Variants in CES5A observed in about 807,000 individuals in gnomAD.
CES5A encodes the protein carboxylesterase 5.
In CES5A, 67 loss-of-function variants were observed where a neutral mutation model predicts 62.9. The ratio of observed to expected loss-of-function variants is 1.07; its 90% confidence interval spans 0.88 to 1.31. The LOEUF is 1.31. CES5A is among the 50% of genes most tolerant of loss of function. The pLI is 0.00. For synonymous variants in CES5A, 296 were observed against 280.8 expected (o/e 1.05, Z -0.54); for missense variants, 748 against 708.5 (o/e 1.06, Z -0.63).
intron 1 of CES5A, among the ~76,000 whole-genome samples, chr16:55,890,888 C>A (rs947779106): frequency 6.6e-6 from 1 of 152,208 alleles, no homozygotes; most frequent in Admixed American, 6.5e-5. Context: ...TTCTAAATTT[C>A]TCTTCAAAGA....
At chr16:55,935,221 G>C (rs534468034) in intron 2 of CES5A, among the ~76,000 whole-genome samples, 1 of 152,344 alleles carries the variant, frequency 6.6e-6, no homozygotes, top group South Asian at 2.1e-4. Context: ...GGGATTACAG[G>C]CATGAGCCAC....
chr16:55,888,160 G>A (rs1388990065), intron 1 of CES5A, among the ~76,000 whole-genome samples: 2 of 152,124 alleles, frequency 1.3e-5, no homozygotes, highest in Non-Finnish European at 2.9e-5. Context: ...GGACTCCACA[G>A]GTATCTCTGG....
Position 55,846,437 on chromosome 16 carries a change from A to C in CES5A, c.*14T>G, listed in dbSNP as rs764933728. Reference sequence around the variant, plus strand: ...GGAGGAGAAGGGAAACCAAAATCACAGAAAGATAACTTCTCAAGGAGCACA... The same window carrying C: ...GGAGGAGAAGGGAAACCAAAATCACCGAAAGATAACTTCTCAAGGAGCACA... On this transcript the variant is annotated 3_prime_UTR_variant, in exon 13 of 13. Coordinates refer to ENST00000290567, the MANE Select transcript of CES5A (RefSeq NM_001143685.2). 1 of 1,602,676 alleles carries C rather than the reference A, an allele frequency of 6.2e-7. No homozygotes were observed. The highest frequency in any genetic ancestry group is 2.2e-5 in the East Asian group (1 of 44,810).
chr16:55,904,258 T>A (rs2034018173), intron 1 of CES5A, among the ~76,000 whole-genome samples: 1 of 152,244 alleles, frequency 6.6e-6, no homozygotes, highest in African/African-American at 2.4e-5. Flanking sequence ...TCACCGGGAT[T>A]TGGGGCCAAA....
At position 55,859,701 on chromosome 16, in the gene CES5A, G is replaced by GA. The variant is rs201392502; in HGVS notation, c.916-15dup. On this transcript the variant is annotated splice_polypyrimidine_tract_variant and intron_variant, in intron 7 of 12. Coordinates refer to ENST00000290567, the MANE Select transcript of CES5A (RefSeq NM_001143685.2). ...AGACTTTGTTTTCTGTAATAAGGAAGAAAAAAAAATCATCAGCTATCATCA... is the reference window on the plus strand; with the variant it reads ...AGACTTTGTTTTCTGTAATAAGGAAGAAAAAAAAAATCATCAGCTATCATCA... The GA allele has an allele frequency of 3.6e-3, 5,610 of 1,570,304 alleles. 159 individuals carry two copies. The African/African-American group carries it at 0.065, about 18-fold the overall frequency.
chr16:55,949,851 A>G, exon 2 of CES5A: 1 of 1,528,242 alleles, frequency 6.5e-7, no homozygotes, highest in Non-Finnish European at 8.8e-7. Context: ...GAGGCTGGAT[A>G]AAAATAGTAA....
At chr16:55,886,453 A>C in intron 1 of CES5A, among the ~76,000 whole-genome samples, 1 of 152,042 alleles carries the variant, frequency 6.6e-6, no homozygotes, top group South Asian at 2.1e-4. Flanking sequence ...AAACAGAGGG[A>C]CAAAACTCAT....
intron 1 of CES5A, among the ~76,000 whole-genome samples, chr16:55,894,647 G>A (rs1597138856): frequency 6.6e-6 from 1 of 152,042 alleles, no homozygotes; most frequent in South Asian, 2.1e-4. Context: ...AAAAATGTCA[G>A]AATAAACTTT....
At chr16:55,911,849 A>T (rs2034096561) in intron 1 of CES5A, among the ~76,000 whole-genome samples, 1 of 152,178 alleles carries the variant, frequency 6.6e-6, no homozygotes, top group Non-Finnish European at 1.5e-5. Flanking sequence ...CCTCTGAGCC[A>T]GCTACCTCCA....
chr16:55,877,896 G>A (rs960829029), upstream of CES5A, among the ~76,000 whole-genome samples: 6 of 152,166 alleles, frequency 3.9e-5, no homozygotes, highest in Non-Finnish European at 5.9e-5. Flanking sequence ...TTTGCAATTC[G>A]GGGAGGAGGG....
intron 4 of CES5A, among the ~76,000 whole-genome samples, chr16:55,867,818 A>G (rs1264215437): frequency 6.6e-6 from 1 of 152,194 alleles, no homozygotes; most frequent in Non-Finnish European, 1.5e-5. Flanking sequence ...CCCACTCCAC[A>G]TGGTTGTGAA....
At chr16:55,894,981 A>G (rs530304209) in intron 1 of CES5A, among the ~76,000 whole-genome samples, 53 of 152,224 alleles carry the variant, frequency 3.5e-4, no homozygotes, top group Admixed American at 5.9e-4. Context: ...AAGTTCTCAC[A>G]TATTCCTGGG....
At chr16:55,940,843 T>G (rs1383197232) in intron 2 of CES5A, among the ~76,000 whole-genome samples, 1 of 151,852 alleles carries the variant, frequency 6.6e-6, no homozygotes, top group Non-Finnish European at 1.5e-5. Flanking sequence ...ATAAGGCTGA[T>G]CCAATATTTA....
intron 1 of CES5A, among the ~76,000 whole-genome samples, chr16:55,884,205 G>A (rs1433035163): frequency 6.6e-6 from 1 of 152,240 alleles, no homozygotes; most frequent in Non-Finnish European, 1.5e-5. Flanking sequence ...TCTGGGAACT[G>A]AGCAAAGATT....
intron 2 of CES5A, chr16:55,949,667 A>T: frequency 2.3e-6 from 1 of 427,338 alleles, no homozygotes; most frequent in East Asian, 3.5e-5. Flanking sequence ...ATGAAAATAA[A>T]CACAAAGGGA....
chr16:55,938,825 TATATATATATACAC>T (rs1567362511), intron 2 of CES5A, among the ~76,000 whole-genome samples: 20 of 110,128 alleles, frequency 1.8e-4, no homozygotes, highest in Non-Finnish European at 3.3e-4. Context: ...TACACACACA[TATATATATATACAC>T]ATATATATAT....
intron 3 of CES5A, 113 bp from the exon 4 acceptor site, chr16:55,869,857 GGGTGCGA>G: frequency 7.1e-7 from 1 of 1,411,514 alleles, no homozygotes. Flanking sequence ...TTGCTAAGCA[GGGTGCGA>G]GGTTTTGTCA....
At chr16:55,911,769 G>C (rs574566061) in intron 1 of CES5A, among the ~76,000 whole-genome samples, 11 of 152,296 alleles carry the variant, frequency 7.2e-5, no homozygotes, top group Non-Finnish European at 1.6e-4. Context: ...CTCACATAGA[G>C]AGCAAAACGC....
chr16:55,884,352 A>C (rs2033791977), intron 1 of CES5A, among the ~76,000 whole-genome samples: 1 of 152,004 alleles, frequency 6.6e-6, no homozygotes, highest in Non-Finnish European at 1.5e-5. Flanking sequence ...CACTCCCTTA[A>C]CCATCTCCAC....
Sources: allele counts gnomAD v4.1 joint callset (sites outside exome capture counted in the v4.1 genomes callset), GRCh38; gene constraint gnomAD v4.1.1; transcripts MANE v1.5; gene names NCBI Gene and HGNC (gene_info 2026-07-23, HGNC 2026-07-21).